SEMA5A: variants seen among roughly 807,000 people sequenced by gnomAD.
SEMA5A encodes semaphorin-5A.
Under a neutral mutation model 135.5 loss-of-function variants are expected in SEMA5A, and 55 were observed. That is an observed-to-expected ratio of 0.41 (90% confidence interval 0.33 to 0.51). The LOEUF is 0.51. SEMA5A is among the 20% of genes least tolerant of loss of function. The pLI is 0.37. For missense variants in SEMA5A, 1,290 were observed against 1,419.9 expected, an observed-to-expected ratio of 0.91 and a Z score of 1.47; for synonymous variants, 580 against 546.5, an observed-to-expected ratio of 1.06 and a Z score of -0.85.
At chr5:9,088,659 T>TATATATACACACACACAC in intron 16 of SEMA5A, among the ~76,000 whole-genome samples, 5 of 112,822 alleles carry the variant, frequency 4.4e-5, no homozygotes, top group Non-Finnish European at 7.0e-5. Context: ...TATATATATA[T>TATATATACACACACACAC]ACACACACAC....
rs548533822 is a variant in SEMA5A at position 9,117,268 on chromosome 5, A to T, written c.1925+1730T>A. 6.6e-5 allele frequency among the ~76,000 whole-genome samples: 10 copies of T among 152,290 alleles called. No individual in the cohort carries two copies. In the South Asian group the frequency reaches 2.1e-3, roughly 32 times the overall value. On this transcript the variant is annotated intron_variant, in intron 15 of 22. Coordinates refer to ENST00000382496, the MANE Select transcript of SEMA5A (RefSeq NM_003966.3). ...TAATCAGCCTCTTCCTTCCTGTGTG[A>T]TCAGCCTGGGAATGGTGATAACACA...
rs527239540 is a variant in SEMA5A at position 9,319,191 on chromosome 5, G to A, written c.225-774C>T. Among the ~76,000 whole-genome samples the A allele has an allele frequency of 5.3e-5, 8 of 152,128 alleles. No individual in the cohort carries two copies. The South Asian group carries it at 6.2e-4, about 12-fold the overall frequency. ...TGCAGTTCAGCCAGGGTGACAGGGCGAGACCCTGTCTCAAAAATAAATAAA... is the reference window on the plus strand; with the variant it reads ...TGCAGTTCAGCCAGGGTGACAGGGCAAGACCCTGTCTCAAAAATAAATAAA... On this transcript the variant is annotated intron_variant, in intron 4 of 22. Coordinates refer to ENST00000382496, the MANE Select transcript of SEMA5A (RefSeq NM_003966.3).
chr5:9,355,096 G>T (rs1202709935), intron 3 of SEMA5A, among the ~76,000 whole-genome samples: 1 of 152,212 alleles, frequency 6.6e-6, no homozygotes, highest in Admixed American at 6.5e-5. Flanking sequence ...TTTAGGCTTT[G>T]TGGGAATATA....
At chr5:9,095,965 A>T (rs1198673429) in intron 16 of SEMA5A, among the ~76,000 whole-genome samples, 1 of 152,256 alleles carries the variant, frequency 6.6e-6, no homozygotes, top group Non-Finnish European at 1.5e-5. Flanking sequence ...ATAATGCTAC[A>T]GTGAACATGG....
chr5:9,151,599 T>C (rs185734890), intron 12 of SEMA5A, among the ~76,000 whole-genome samples: 1 of 152,290 alleles, frequency 6.6e-6, no homozygotes, highest in Admixed American at 6.5e-5. Context: ...GAATGTTAAC[T>C]AGGGAGGGTT....
chr5:9,217,964 C>T (rs547223689), intron 8 of SEMA5A, among the ~76,000 whole-genome samples: 1 of 152,162 alleles, frequency 6.6e-6, no homozygotes, highest in South Asian at 2.1e-4. Context: ...CATTCCTATC[C>T]ATATTCTCAC....
intron 2 of SEMA5A, among the ~76,000 whole-genome samples, chr5:9,434,216 A>G (rs556530262): frequency 6.6e-6 from 1 of 152,322 alleles, no homozygotes; most frequent in East Asian, 1.9e-4. Flanking sequence ...TCAATTTGCA[A>G]TAATATGAGA....
At chr5:9,316,629 CATT>C (rs947340715) in intron 5 of SEMA5A, among the ~76,000 whole-genome samples, 2 of 151,834 alleles carry the variant, frequency 1.3e-5, no homozygotes, top group African/African-American at 2.4e-5. Flanking sequence ...TTTAAAATGG[CATT>C]ATGATTAAAT....
chr5:9,165,303 C>A (rs112398015), intron 11 of SEMA5A, among the ~76,000 whole-genome samples: 1 of 151,922 alleles, frequency 6.6e-6, no homozygotes, highest in East Asian at 1.9e-4. Context: ...AAAAGTCCTA[C>A]CCACAAAGAA....
At chr5:9,125,394 G>T (rs943155509) in intron 13 of SEMA5A, among the ~76,000 whole-genome samples, 1 of 152,160 alleles carries the variant, frequency 6.6e-6, no homozygotes, top group Non-Finnish European at 1.5e-5. Flanking sequence ...TGTTACATAG[G>T]TATACATGTG....
chr5:9,119,206 CCCACGG>C, intron 14 of SEMA5A, 65 bp from the exon 15 acceptor site: 2 of 1,569,638 alleles, frequency 1.3e-6, no homozygotes, highest in Middle Eastern at 3.6e-4. Flanking sequence ...CCTGTCTGCA[CCCACGG>C]CCAAATGCCT....
At chr5:9,355,290 G>A (rs1293555568) in intron 3 of SEMA5A, among the ~76,000 whole-genome samples, 1 of 152,142 alleles carries the variant, frequency 6.6e-6, no homozygotes, top group East Asian at 1.9e-4. Context: ...AGTCAAGGGG[G>A]AGGCATGAGC....
chr5:9,406,711 A>G (rs907846553), intron 2 of SEMA5A, among the ~76,000 whole-genome samples: 1 of 152,250 alleles, frequency 6.6e-6, no homozygotes, highest in African/African-American at 2.4e-5. Flanking sequence ...AATAACTGAT[A>G]AAATATCAGA....
intron 8 of SEMA5A, among the ~76,000 whole-genome samples, chr5:9,208,062 T>G (rs1233665562): frequency 6.6e-6 from 1 of 152,228 alleles, no homozygotes; most frequent in Non-Finnish European, 1.5e-5. Context: ...TACCAGTATA[T>G]TTTCTCTGTT....
intron 5 of SEMA5A, among the ~76,000 whole-genome samples, chr5:9,308,666 T>C (rs1285781840): frequency 6.6e-6 from 1 of 152,152 alleles, no homozygotes; most frequent in African/African-American, 2.4e-5. Context: ...GGTCGTATGC[T>C]GGCCAGTACA....
intron 1 of SEMA5A, among the ~76,000 whole-genome samples, chr5:9,528,899 C>A (rs1339271691): frequency 6.6e-6 from 1 of 152,196 alleles, no homozygotes; most frequent in African/African-American, 2.4e-5. Context: ...AGAACAGTTT[C>A]ACCTGGGAGC....
At chr5:9,415,443 G>A (rs1023911592) in intron 2 of SEMA5A, among the ~76,000 whole-genome samples, 2 of 152,112 alleles carry the variant, frequency 1.3e-5, no homozygotes, top group Non-Finnish European at 2.9e-5. Context: ...ATGCTTTGTC[G>A]CACACACCAG....
At chr5:9,485,892 C>A (rs1734682014) in intron 1 of SEMA5A, among the ~76,000 whole-genome samples, 1 of 152,034 alleles carries the variant, frequency 6.6e-6, no homozygotes, top group Admixed American at 6.6e-5. Context: ...TAATTAATAT[C>A]TTTAAATATT....
At chr5:9,147,646 T>A (rs1742410871) in intron 12 of SEMA5A, among the ~76,000 whole-genome samples, 1 of 150,868 alleles carries the variant, frequency 6.6e-6, no homozygotes, top group Admixed American at 6.7e-5. Context: ...CTCTTTTATA[T>A]GTAAGCTATA....
Sources: allele counts gnomAD v4.1 joint callset (sites outside exome capture counted in the v4.1 genomes callset), GRCh38; gene constraint gnomAD v4.1.1; transcripts MANE v1.5; gene names NCBI Gene and HGNC (gene_info 2026-07-23, HGNC 2026-07-21).